DYSF: variants seen among roughly 807,000 people sequenced by gnomAD.
The protein encoded by DYSF is dysferlin, also known as dystrophy-associated fer-1-like 1.
In DYSF, 212 loss-of-function variants were observed where a neutral mutation model predicts 274.9. That is an observed-to-expected ratio of 0.77 (90% confidence interval 0.69 to 0.86). The LOEUF is 0.86. Ranked by LOEUF, DYSF falls within the 40% of genes least tolerant of loss-of-function variation. The pLI is 0.00. For missense variants in DYSF, 2,666 were observed against 2,783.2 expected (o/e 0.96, Z 0.95); for synonymous variants, 1,091 against 1,078.7 (o/e 1.01, Z -0.22).
rs369004367 is a variant in DYSF, at chr2:71,660,640, C to T, written c.4992C>T (p.Pro1664=). The change falls in exon 45 of 56, where the codon CCC becomes CCT. Residue 1664 remains proline, a synonymous_variant. Coordinates refer to ENST00000410020, the MANE Select transcript of DYSF (RefSeq NM_001130987.2). ...ACTACATCCCCTGCACGCTGGAGCC[C>T]GTATTTGGAAAGTAAATTGGGGCAT... ...QDNYIPCTLE[P]VFGKMFELTC... 17 of 1,613,730 alleles carry T rather than the reference C, an allele frequency of 1.1e-5. No homozygotes were observed. The highest frequency in any genetic ancestry group is 6.6e-5 in the South Asian group (6 of 91,070).
At chr2:71,575,536 T>G (rs1347944941) in intron 30 of DYSF, among the ~76,000 whole-genome samples, 3 of 152,044 alleles carry the variant, frequency 2.0e-5, no homozygotes, top group Non-Finnish European at 4.4e-5. Flanking sequence ...TCAGAGCAGC[T>G]GGGGAGCCTT....
intron 3 of DYSF, among the ~76,000 whole-genome samples, chr2:71,490,247 G>C (rs1269364535): frequency 6.6e-6 from 1 of 152,156 alleles, no homozygotes. Flanking sequence ...TTCTCAAAAA[G>C]TTATAAAGGA....
At chr2:71,641,994 A>G (rs57118711) in intron 41 of DYSF, among the ~76,000 whole-genome samples, 3,110 of 152,278 alleles carry the variant, frequency 0.02, 109 homozygotes, top group African/African-American at 0.071. Flanking sequence ...TTGTCTATTT[A>G]GTTGTCACTG....
At chr2:71,500,799 C>T (rs2152711351) in intron 3 of DYSF, among the ~76,000 whole-genome samples, 1 of 152,146 alleles carries the variant, frequency 6.6e-6, no homozygotes, top group East Asian at 2.0e-4. Flanking sequence ...TCCCAGTCCC[C>T]AAGGAGAGAA....
chr2:71,658,995 C>T lies in DYSF; in HGVS notation c.4873C>T (p.Arg1625Ter), dbSNP rs398123789. The T allele has an allele frequency of 1.7e-5, 28 of 1,614,006 alleles. No individual in the cohort carries two copies. The highest frequency in any genetic ancestry group is 1.6e-4 in the Middle Eastern group (1 of 6,084). ...QECLVRIYIV[R>*]AFGLQPKDPN... Reference sequence around the variant, plus strand: ...GTGCTTGGTCCGTATCTACATTGTCCGAGCATTTGGCCTGCAGCCCAAGGA... The same window carrying T: ...GTGCTTGGTCCGTATCTACATTGTCTGAGCATTTGGCCTGCAGCCCAAGGA... The change falls in exon 44 of 56, where the codon CGA (arginine) becomes TGA (stop). Residue 1625 changes from arginine to a stop codon, truncating the protein, a stop_gained. Coordinates refer to ENST00000410020, the MANE Select transcript of DYSF (RefSeq NM_001130987.2). LOFTEE classifies it high-confidence loss of function.
At position 71,553,087 on chromosome 2, in the gene DYSF, C is replaced by T; in HGVS notation, c.1883C>T (p.Ala628Val). ...SATMLQDVDDAIQFEVSIGNY... is the reference protein window; with the variant it reads ...SATMLQDVDDVIQFEVSIGNY... ...ACCATGCTGCAGGATGTGGATGATG[C>T]CATCCAGTTTGAGGTCAGCATCGGG... is the stretch of plus-strand genomic sequence containing the variant. The change falls in exon 20 of 56, where the codon GCC becomes GTC. Residue 628 changes from alanine to valine, a missense_variant. By Grantham distance (64) the Ala-to-Val change is moderately conservative. Coordinates refer to ENST00000410020, the MANE Select transcript of DYSF (RefSeq NM_001130987.2). 3 of 1,614,192 alleles carry T rather than the reference C, an allele frequency of 1.9e-6. No homozygotes were observed. The highest frequency in any genetic ancestry group is 2.5e-6 in the Non-Finnish European group (3 of 1,180,038).
At chr2:71,478,246 C>G (rs1282572044) in intron 1 of DYSF, among the ~76,000 whole-genome samples, 5 of 148,254 alleles carry the variant, frequency 3.4e-5, no homozygotes, top group Non-Finnish European at 5.9e-5. Context: ...GAGTCTCACT[C>G]TGTCGCCCAG....
intron 41 of DYSF, among the ~76,000 whole-genome samples, chr2:71,635,700 G>T (rs567121369): frequency 3.1e-5 from 4 of 129,396 alleles, no homozygotes. Flanking sequence ...AGTGAGCCGA[G>T]ATAGTGCCAC....
In DYSF at chr2:71,530,912, T is replaced by C. The variant is rs2088624567; in HGVS notation, c.1380+2511T>C. On this transcript the variant is annotated intron_variant, in intron 14 of 55. Transcript: ENST00000410020. ...CTGGCCTTCTTTGCATTTCCCCTTA[T>C]GGACACCTGGTGGCAGTATTATCCA... Among the ~76,000 whole-genome samples, 3 of 152,076 alleles carry C rather than the reference T, an allele frequency of 2.0e-5. No homozygotes were observed. In the South Asian group the frequency reaches 6.2e-4, roughly 32 times the overall value.
Position 71,513,242 on chromosome 2 carries a change from G to C in DYSF, c.463G>C (p.Gly155Arg). 1 of 1,551,630 alleles carries C rather than the reference G, an allele frequency of 6.4e-7. No homozygotes were observed. The highest frequency in any genetic ancestry group is 8.7e-7 in the Non-Finnish European group (1 of 1,146,960). ...TLPDLDVVAGGGQSRAETWSL... is the reference protein window; with the variant it reads ...TLPDLDVVAGRGQSRAETWSL... ...GTTATGCCCTGCCCACAAGACAGGC[G>C]GGGGACAGAGCCGGGCCGAGACTTG... Residue 155 changes from glycine (G) to arginine (R), a missense_variant and splice_region_variant, in exon 6 of 56, where the codon GGG becomes CGG. Transcript: ENST00000410020.
At chr2:71,481,030 C>A in intron 2 of DYSF, 92 bp downstream of exon 2, 1 of 1,279,124 alleles carries the variant, frequency 7.8e-7, no homozygotes, top group South Asian at 1.2e-5. Flanking sequence ...GGTGCCTTCT[C>A]AGCAGTGTCC....
rs75026991 is a variant in DYSF, at chr2:71,620,750, C to G, written c.4527+141C>G. On this transcript the variant is annotated intron_variant, in intron 41 of 55. Coordinates refer to ENST00000410020, the MANE Select transcript of DYSF (RefSeq NM_001130987.2). ...GAGCCCTAGCAGGGAAGTCACCTAT[C>G]TTTGCCTCACTGAAAAGGAGGGGTG... 3,251 of 850,998 alleles carry G rather than the reference C, an allele frequency of 3.8e-3. 69 individuals are homozygous for G. In the African/African-American group the frequency reaches 0.05, roughly 13 times the overall value. The allele number at this position is 850,998 out of a possible 1,614,324, so 52.7% of individuals were successfully genotyped here. A position where few individuals can be genotyped will look rare whatever the true frequency, so the allele number is the denominator to read the frequency against.
intron 1 of DYSF, among the ~76,000 whole-genome samples, chr2:71,467,865 G>A (rs888116834): frequency 6.6e-6 from 1 of 152,134 alleles, no homozygotes; most frequent in African/African-American, 2.4e-5. Flanking sequence ...AGGAAGAGTA[G>A]CTGGTGTTTT....
At chr2:71,458,011 C>T (rs1223270857) in intron 1 of DYSF, among the ~76,000 whole-genome samples, 1 of 152,142 alleles carries the variant, frequency 6.6e-6, no homozygotes, top group Non-Finnish European at 1.5e-5. Context: ...ATAACAGCAT[C>T]GAACAAGAGG....
At chr2:71,589,498 TCTC>T in intron 30 of DYSF, 92 bp from the exon 31 acceptor site, 1 of 967,776 alleles carries the variant, frequency 1.0e-6, no homozygotes. Context: ...AGCGGAGAGA[TCTC>T]CTGGCCCTGG....
chr2:71,541,342 T>C (rs1414816252), intron 17 of DYSF, among the ~76,000 whole-genome samples: 1 of 152,196 alleles, frequency 6.6e-6, no homozygotes, highest in Non-Finnish European at 1.5e-5. Flanking sequence ...AGTTTGTCAC[T>C]TTTACTCTAG....
chr2:71,549,455 G>A (rs1004503381), intron 17 of DYSF: 9 of 1,491,414 alleles, frequency 6.0e-6, no homozygotes, highest in African/African-American at 2.8e-5. Context: ...CTAGAGGGGC[G>A]AGGGTGCTGG....
chr2:71,617,801 GGTATAT>G (rs1393368017), intron 40 of DYSF, among the ~76,000 whole-genome samples: 12 of 114,522 alleles, frequency 1.0e-4, no homozygotes, highest in Middle Eastern at 6.3e-3. Flanking sequence ...GTAGAGGTGG[GGTATAT>G]GTGTGTGTGT....
rs977850180 is a variant in DYSF, at chr2:71,520,206, C to A, written c.1031C>A (p.Pro344His). The A allele has an allele frequency of 6.2e-7, 1 of 1,614,068 alleles. No individual in the cohort carries two copies. Among genetic ancestry groups the A allele is most frequent in the Non-Finnish European group, 8.5e-7 (1 of 1,180,046 alleles). Residue 344 changes from proline (P) to histidine (H), a missense_variant and splice_region_variant, in exon 11 of 56, where the codon CCC (proline) becomes CAC (histidine). Coordinates refer to ENST00000410020, the MANE Select transcript of DYSF (RefSeq NM_001130987.2). ...GACGTGGGCACCATTTACAGAGAGCCCCGTGAGTTCTCACCACTTTGGCCG... is the reference window on the plus strand; with the variant it reads ...GACGTGGGCACCATTTACAGAGAGCACCGTGAGTTCTCACCACTTTGGCCG... ...RMDVGTIYREPRHAYLRKWLL... is the reference protein window; with the variant it reads ...RMDVGTIYREHRHAYLRKWLL...
Sources: allele counts gnomAD v4.1 joint callset (sites outside exome capture counted in the v4.1 genomes callset), GRCh38; gene constraint gnomAD v4.1.1; transcripts MANE v1.5; gene names NCBI Gene and HGNC (gene_info 2026-07-23, HGNC 2026-07-21).